Variants in SUPT3H observed in about 807,000 individuals in gnomAD.
SUPT3H encodes SPT3 homolog, SAGA and STAGA complex component.
A neutral mutation model predicts 44.3 loss-of-function variants in SUPT3H; 44 were observed. The ratio of observed to expected loss-of-function variants is 0.99; its 90% CI spans 0.78 to 1.28. The LOEUF is 1.28. Ranked by LOEUF, SUPT3H falls within the 50% of genes most tolerant of loss-of-function variation. The pLI is 0.00. For missense variants in SUPT3H, 380 were observed against 387.1 expected, an observed-to-expected ratio of 0.98 and a Z score of 0.15; for synonymous variants, 124 against 125.6, an observed-to-expected ratio of 0.99 and a Z score of 0.09.
chr6:44,910,000 T>G (rs939032043), intron 10 of SUPT3H, among the ~76,000 whole-genome samples: 12 of 152,094 alleles, frequency 7.9e-5, no homozygotes, highest in African/African-American at 2.9e-4. Flanking sequence ...ATACCAAAAG[T>G]CTTAAAGTGT....
chr6:45,282,181 C>T (rs913777302), intron 2 of SUPT3H, among the ~76,000 whole-genome samples: 4 of 152,124 alleles, frequency 2.6e-5, no homozygotes, highest in Non-Finnish European at 5.9e-5. Flanking sequence ...ATCAGAGCAC[C>T]TCTCCTCCTC....
chr6:45,272,713 C>T (rs1211497866), intron 2 of SUPT3H, among the ~76,000 whole-genome samples: 2 of 152,158 alleles, frequency 1.3e-5, no homozygotes, highest in African/African-American at 2.4e-5. Flanking sequence ...GGAGTACCGT[C>T]CTGGTGGAGA....
At chr6:44,859,748 A>G (rs1396014506) in intron 10 of SUPT3H, among the ~76,000 whole-genome samples, 1 of 152,142 alleles carries the variant, frequency 6.6e-6, no homozygotes, top group Non-Finnish European at 1.5e-5. Context: ...TCTTTTAACT[A>G]TTTTTCTAGT....
chr6:45,231,530 G>A (rs934092631), intron 2 of SUPT3H, among the ~76,000 whole-genome samples: 1 of 152,104 alleles, frequency 6.6e-6, no homozygotes, highest in Non-Finnish European at 1.5e-5. Flanking sequence ...GATTTTCTAT[G>A]TGTCACTGAC....
chr6:44,985,920 C>T (rs75375047), intron 6 of SUPT3H, among the ~76,000 whole-genome samples: 3,044 of 152,220 alleles, frequency 0.02, 46 homozygotes, highest in Non-Finnish European at 0.029. Flanking sequence ...CTTGGCCCTT[C>T]ATGTGTTTTT....
chr6:44,970,999 G>A (rs936231885), intron 6 of SUPT3H, among the ~76,000 whole-genome samples: 1 of 152,148 alleles, frequency 6.6e-6, no homozygotes, highest in African/African-American at 2.4e-5. Context: ...AGGGAAGCCT[G>A]TCAGTGCAGC....
At chr6:45,362,266 C>G (rs1448008871) in intron 2 of SUPT3H, among the ~76,000 whole-genome samples, 1 of 152,140 alleles carries the variant, frequency 6.6e-6, no homozygotes, top group Admixed American at 6.6e-5. Context: ...AGAAATGACA[C>G]TACAATATTG....
intron 5 of SUPT3H, among the ~76,000 whole-genome samples, chr6:45,005,790 C>G (rs1782634555): frequency 6.6e-6 from 1 of 151,816 alleles, no homozygotes; most frequent in Non-Finnish European, 1.5e-5. Context: ...TCTCTCCACT[C>G]ACACAGATGG....
chr6:45,105,717 A>G (rs1377985603), intron 3 of SUPT3H, among the ~76,000 whole-genome samples: 1 of 152,236 alleles, frequency 6.6e-6, no homozygotes, highest in Non-Finnish European at 1.5e-5. Flanking sequence ...TGATTGTGTT[A>G]TAAGTTAATA....
chr6:44,931,363 C>T (rs188411269), intron 10 of SUPT3H, among the ~76,000 whole-genome samples: 184 of 151,854 alleles, frequency 1.2e-3, no homozygotes, highest in African/African-American at 4.2e-3. Context: ...TATTTTTAAT[C>T]TTTCATTATA....
chr6:44,819,965 G>A (rs1026577565), intron 11 of SUPT3H, among the ~76,000 whole-genome samples: 3 of 152,174 alleles, frequency 2.0e-5, no homozygotes, highest in African/African-American at 7.2e-5. Flanking sequence ...GCTCATGCCT[G>A]TAATCCCAAC....
chr6:45,192,804 G>A lies in SUPT3H; in HGVS notation c.102-86798C>T, dbSNP rs923500303. Among the ~76,000 whole-genome samples, 24 of 152,202 alleles carry A rather than the reference G, an allele frequency of 1.6e-4. No homozygotes were observed. The South Asian group carries it at 2.7e-3, about 17-fold the overall frequency. ...GCAGATCCCTACTGCAGAGAATTTA[G>A]CTACAACAAATAAAGAAAATCAGAA... On this transcript the variant is annotated intron_variant, in intron 2 of 10. Coordinates refer to ENST00000371459, the MANE Select transcript of SUPT3H (RefSeq NM_003599.4).
chr6:44,860,141 G>A (rs2153425075), intron 10 of SUPT3H, among the ~76,000 whole-genome samples: 1 of 152,228 alleles, frequency 6.6e-6, no homozygotes, highest in Non-Finnish European at 1.5e-5. Flanking sequence ...CCACTGATAA[G>A]GTCGTGGGGA....
At chr6:45,052,728 C>T (rs1055461796) in intron 3 of SUPT3H, among the ~76,000 whole-genome samples, 11 of 152,172 alleles carry the variant, frequency 7.2e-5, no homozygotes, top group Non-Finnish European at 1.6e-4. Context: ...TTACCCTAAA[C>T]TCCTGTACTG....
At chr6:45,104,421 C>A (rs1051292056) in intron 3 of SUPT3H, among the ~76,000 whole-genome samples, 1 of 152,054 alleles carries the variant, frequency 6.6e-6, no homozygotes, top group African/African-American at 2.4e-5. Flanking sequence ...TACTTTAAAA[C>A]TGTTGTGCCA....
chr6:45,087,090 T>G (rs950100825), intron 3 of SUPT3H, among the ~76,000 whole-genome samples: 1 of 151,980 alleles, frequency 6.6e-6, no homozygotes, highest in African/African-American at 2.4e-5. Flanking sequence ...TACAAGTCTT[T>G]TGTAACCTTG....
At chr6:44,912,442 A>T (rs1258135547) in intron 10 of SUPT3H, among the ~76,000 whole-genome samples, 1 of 152,166 alleles carries the variant, frequency 6.6e-6, no homozygotes, top group Non-Finnish European at 1.5e-5. Flanking sequence ...ATAATATTTC[A>T]TTGTATGTAT....
chr6:44,909,142 C>CGTGTGTGTGTGT (rs34494107), intron 10 of SUPT3H, among the ~76,000 whole-genome samples: 2 of 146,958 alleles, frequency 1.4e-5, no homozygotes, highest in Non-Finnish European at 3.0e-5. Context: ...TGTGTGTGTG[C>CGTGTGTGTGTGT]GTGTGTGTGT....
Position 45,119,936 on chromosome 6 carries a change from G to A in SUPT3H, c.102-13930C>T, listed in dbSNP as rs187099137. ...ATTTAGAATCTGTTTAATAATGATA[G>A]TTATGACAAAATGACAATGAGTCGA... On this transcript the variant is annotated intron_variant, in intron 2 of 10. Coordinates refer to ENST00000371459, the MANE Select transcript of SUPT3H (RefSeq NM_003599.4). 3.0e-3 allele frequency among the ~76,000 whole-genome samples: 458 copies of A among 152,136 alleles called. 5 individuals are homozygous for A. Among genetic ancestry groups the A allele is most frequent in the South Asian group, 0.015 (74 of 4,824 alleles).
Sources: allele counts gnomAD v4.1 joint callset (sites outside exome capture counted in the v4.1 genomes callset), GRCh38; gene constraint gnomAD v4.1.1; transcripts MANE v1.5; gene names NCBI Gene and HGNC (gene_info 2026-07-23, HGNC 2026-07-21).